The following NHSL1 variants were observed in gnomAD, a reference collection of about 807,000 sequenced individuals.
The protein encoded by NHSL1 is NHS-like protein 1.
Under a neutral mutation model 95.0 loss-of-function variants are expected in NHSL1, and 48 were observed. The ratio of observed to expected loss-of-function variants is 0.51; its 90% CI spans 0.40 to 0.64. NHSL1 has a LOEUF of 0.64. NHSL1 is among the 30% of genes least tolerant of loss of function. NHSL1 has a pLI of 0.00. For missense variants in NHSL1, 1,971 were observed against 2,077.7 expected, an observed-to-expected ratio of 0.95 and a Z score of 1.00; for synonymous variants, 783 against 833.9, an observed-to-expected ratio of 0.94 and a Z score of 1.05.
At chr6:138,562,771 G>A (rs1022966082) in intron 1 of NHSL1, among the ~76,000 whole-genome samples, 5 of 151,770 alleles carry the variant, frequency 3.3e-5, no homozygotes, top group African/African-American at 9.7e-5. Flanking sequence ...TCTCGGTTAC[G>A]ACAGCCCCTA....
At chr6:138,546,830 C>T (rs574872954), upstream of NHSL1, among the ~76,000 whole-genome samples, 2 of 152,352 alleles carry the variant, frequency 1.3e-5, no homozygotes, top group South Asian at 4.1e-4. Flanking sequence ...TTCAAGGTTA[C>T]TTGACTGTGG....
chr6:138,564,668 A>G (rs1783541543), intron 1 of NHSL1, among the ~76,000 whole-genome samples: 1 of 149,768 alleles, frequency 6.7e-6, no homozygotes, highest in Non-Finnish European at 1.5e-5. Context: ...AAAAAAAATA[A>G]GATTGAGTCT....
chr6:138,692,576 G>A, upstream of NHSL1: 1 of 194,570 alleles, frequency 5.1e-6, no homozygotes, highest in South Asian at 8.0e-5. This position sits in a 1 kb window ranked among gnomAD's most constrained non-coding sequence, Gnocchi z 4.0. Context: ...CGGCCGCCTG[G>A]CCCTCGAGCT....
At chr6:138,458,356 G>C (rs1293970997) in intron 3 of NHSL1, among the ~76,000 whole-genome samples, 1 of 152,164 alleles carries the variant, frequency 6.6e-6, no homozygotes, top group Admixed American at 6.5e-5. Flanking sequence ...ACAAACTTTA[G>C]ATTCAGCTTC....
rs76582115 is a variant in NHSL1, at chr6:138,445,261, T to C, written c.532+1740A>G. Among the ~76,000 whole-genome samples the C allele has an allele frequency of 7.8e-3, 1,186 of 152,326 alleles. 30 individuals carry two copies. Among genetic ancestry groups the C allele is most frequent in the East Asian group, 0.066 (340 of 5,184 alleles). Reference sequence around the variant, plus strand: ...CTTCTTATCTTATAATATTATTTCATAGGCACTTAATTATATATAATGTAA... The same window carrying C: ...CTTCTTATCTTATAATATTATTTCACAGGCACTTAATTATATATAATGTAA... On this transcript the variant is annotated intron_variant, in intron 4 of 7. Coordinates refer to ENST00000343505, the MANE Select transcript of NHSL1 (RefSeq NM_001144060.2).
intron 1 of NHSL1, among the ~76,000 whole-genome samples, chr6:138,511,284 C>T (rs1374449337): frequency 6.6e-6 from 1 of 152,062 alleles, no homozygotes. Flanking sequence ...GCAGCCAAAA[C>T]TGAAGCTTGG....
intron 1 of NHSL1, among the ~76,000 whole-genome samples, chr6:138,678,029 T>C (rs1269021077): frequency 6.6e-6 from 1 of 152,178 alleles, no homozygotes; most frequent in Non-Finnish European, 1.5e-5. Flanking sequence ...GAGCAGAGTA[T>C]TGCAGAGCAG....
chr6:138,426,562 G>T (rs1012436122), intron 7 of NHSL1, among the ~76,000 whole-genome samples: 2 of 152,206 alleles, frequency 1.3e-5, no homozygotes, highest in Non-Finnish European at 2.9e-5. Context: ...CAGGCATAGA[G>T]CAGGTGCTTA....
At position 138,476,957 on chromosome 6, in the gene NHSL1, TAAAAAAAAAAA is replaced by T. The variant is rs58311101; in HGVS notation, c.212-3535_212-3525del. Among the ~76,000 whole-genome samples the T allele has an allele frequency of 2.4e-3, 242 of 100,550 alleles. 6 individuals carry two copies. In the East Asian group the frequency reaches 0.045, roughly 19 times the overall value. The allele number at this position is 100,550 out of a possible 152,430, so 66.0% of individuals were successfully genotyped here. On this transcript the variant is annotated intron_variant, in intron 2 of 7. Transcript: ENST00000343505. Reference sequence around the variant, plus strand: ...AACCTGCACATATACTCCCTGAATCTAAAAAAAAAAAAAAAAAAAAAAAAAGACTCAAGTTC... The same window carrying T: ...AACCTGCACATATACTCCCTGAATCTAAAAAAAAAAAAAAGACTCAAGTTC...
At chr6:138,668,104 G>A (rs1222174507) in intron 1 of NHSL1, among the ~76,000 whole-genome samples, 1 of 152,174 alleles carries the variant, frequency 6.6e-6, no homozygotes, top group African/African-American at 2.4e-5. Context: ...AGCCCCTCCA[G>A]GAACATGGGG....
chr6:138,499,488 T>G lies in NHSL1; in HGVS notation c.-198A>C. On this transcript the variant is annotated 5_prime_UTR_variant, in exon 1 of 8. Transcript: ENST00000343505. ...GCAGTTACAAACCATTAACAGTCCT[T>G]GAACCTGAAAAACTCCTACTGAAAC... 3 of 1,268,726 alleles carry G rather than the reference T, an allele frequency of 2.4e-6. No individual in the cohort carries two copies. Among genetic ancestry groups the G allele is most frequent in the South Asian group, 4.1e-5 (2 of 48,594 alleles). 78.6% of individuals were successfully genotyped at this position (1,268,726 alleles called of 1,614,324 possible). A position where few individuals can be genotyped will look rare whatever the true frequency, so the allele number is the denominator to read the frequency against.
In NHSL1 at chr6:138,422,895, A is replaced by G. The variant is rs1345724635; in HGVS notation, c.*1186T>C. 2 of 152,152 alleles carry G rather than the reference A, an allele frequency of 1.3e-5. No individual in the cohort carries two copies. Among genetic ancestry groups the G allele is most frequent in the African/African-American group, 2.4e-5 (1 of 41,454 alleles). 9.4% of individuals were successfully genotyped at this position (152,152 alleles called of 1,614,324 possible). On this transcript the variant is annotated 3_prime_UTR_variant, in exon 8 of 8. Coordinates refer to ENST00000343505, the MANE Select transcript of NHSL1 (RefSeq NM_001144060.2). The stretch of plus-strand genomic sequence containing the variant: ...TTTATTTGACTAACAAGAGCTATTC[A>G]GCATTTTCTTCAAAGTAAGATAATA...
At chr6:138,473,861 C>T (rs79132303) in intron 2 of NHSL1, among the ~76,000 whole-genome samples, 360 of 152,112 alleles carry the variant, frequency 2.4e-3, no homozygotes, top group Non-Finnish European at 3.5e-3. Context: ...AAAAGTGATG[C>T]TAATGCTATG....
intron 4 of NHSL1, among the ~76,000 whole-genome samples, chr6:138,442,403 T>C (rs1205031813): frequency 6.6e-6 from 1 of 152,236 alleles, no homozygotes; most frequent in Non-Finnish European, 1.5e-5. Flanking sequence ...CTGTGTTATT[T>C]AACAAAACAA....
intron 1 of NHSL1, among the ~76,000 whole-genome samples, chr6:138,600,864 G>GCCACTTCATTCTGT (rs964125786): frequency 2.6e-5 from 4 of 152,046 alleles, no homozygotes; most frequent in African/African-American, 9.7e-5. Flanking sequence ...CACAAAAATG[G>GCCACTTCATTCTGT]CCACTTCATT....
upstream of NHSL1, among the ~76,000 whole-genome samples, chr6:138,503,806 A>G (rs538780115): frequency 2.3e-3 from 343 of 152,254 alleles, 1 homozygote; most frequent in African/African-American, 8.1e-3. Flanking sequence ...CAAGTTCAAC[A>G]TATCTAATTT....
intron 1 of NHSL1, among the ~76,000 whole-genome samples, chr6:138,632,285 T>C (rs920304228): frequency 6.6e-6 from 1 of 152,196 alleles, no homozygotes. Context: ...ATCCAGAGCC[T>C]GGGGAAACTT....
intron 1 of NHSL1, among the ~76,000 whole-genome samples, chr6:138,580,442 A>T (rs564331418): frequency 6.6e-6 from 1 of 152,308 alleles, no homozygotes; most frequent in South Asian, 2.1e-4. Flanking sequence ...TGAGTTTTCT[A>T]GCAGTCGGGA....
In NHSL1 at chr6:138,432,658, C is replaced by T; in HGVS notation, c.1687G>A (p.Ala563Thr). ...WEYKSSGNGR[A>T]SPLKPHLATP... ...GCTAAATGCGGCTTCAGGGGGGATG[C>T]CCTTCCATTACCTGAGGATTTGTAT... Residue 563 changes from alanine to threonine, a missense_variant, in exon 6 of 8, where the codon GCA becomes ACA. Physicochemically the swap from Ala to Thr is moderately conservative, Grantham distance 58. Transcript: ENST00000343505. This position sits in a 1 kb window ranked among gnomAD's most constrained non-coding sequence, Gnocchi z 4.4. The T allele has an allele frequency of 1.3e-6, 2 of 1,551,684 alleles. No homozygotes were observed. The highest frequency in any genetic ancestry group is 1.7e-6 in the Non-Finnish European group (2 of 1,146,980).
Sources: gnomAD v4.1 joint callset for allele counts (sites outside exome capture counted in the v4.1 genomes callset) on GRCh38, gnomAD v4.1.1 for gene constraint, Gnocchi (gnomAD v3.1) non-coding constraint, MANE v1.5 for transcripts, NCBI Gene and HGNC (gene_info 2026-07-23, HGNC 2026-07-21) for gene names.